NEGR1: variants seen among roughly 807,000 people sequenced by gnomAD.
The protein encoded by NEGR1 is IgLON family member 4.
In NEGR1, 10 loss-of-function variants were observed where a neutral mutation model predicts 40.9. The ratio of observed to expected loss-of-function variants is 0.24; its 90% CI spans 0.15 to 0.42. NEGR1 has a LOEUF of 0.42. Ranked by LOEUF, NEGR1 falls within the 10% of genes least tolerant of loss-of-function variation. The probability of loss-of-function intolerance (pLI) is 1.00; values close to 1 mark genes in which losing one functional copy is unlikely to be tolerated. For synonymous variants in NEGR1, 185 were observed against 166.8 expected, an observed-to-expected ratio of 1.11 and a Z score of -0.84; for missense variants, 352 against 438.9, an observed-to-expected ratio of 0.80 and a Z score of 1.77.
At chr1:71,733,990 C>T (rs1018132663) in intron 3 of NEGR1, among the ~76,000 whole-genome samples, 34 of 152,128 alleles carry the variant, frequency 2.2e-4, no homozygotes, top group African/African-American at 7.7e-4. Flanking sequence ...ATTTTACATA[C>T]TTTATTAATC....
chr1:71,915,545 C>A (rs182109839), intron 2 of NEGR1, among the ~76,000 whole-genome samples: 1 of 152,018 alleles, frequency 6.6e-6, no homozygotes, highest in Non-Finnish European at 1.5e-5. Flanking sequence ...CAGTTCTTAA[C>A]ACATTTCATT....
intron 1 of NEGR1, among the ~76,000 whole-genome samples, chr1:72,131,506 C>A (rs749239559): frequency 6.6e-6 from 1 of 152,088 alleles, no homozygotes; most frequent in Non-Finnish European, 1.5e-5. Context: ...TATTCTCAAA[C>A]AAAGCACTTG....
intron 1 of NEGR1, among the ~76,000 whole-genome samples, chr1:72,067,671 T>C (rs1166572068): frequency 6.6e-6 from 1 of 152,094 alleles, no homozygotes; most frequent in African/African-American, 2.4e-5. Flanking sequence ...CAGTGATGCA[T>C]AATAATATCA....
chr1:71,897,875 C>T (rs934664172), intron 2 of NEGR1, among the ~76,000 whole-genome samples: 3 of 152,062 alleles, frequency 2.0e-5, no homozygotes, highest in African/African-American at 7.2e-5. Context: ...TTAATCAATA[C>T]TGAATTTTAA....
chr1:72,214,816 T>C (rs1653738701), intron 1 of NEGR1, among the ~76,000 whole-genome samples: 5 of 150,598 alleles, frequency 3.3e-5, no homozygotes. Context: ...GCTATTCCCA[T>C]CAAGCTACCA....
rs564324177 is a variant in NEGR1 at position 71,927,662 on chromosome 1, C to T, written c.409+7417G>A. ...AGTTCAACAGATTAAATATTTCCTA[C>T]TGGATAAAGTACCTGGGGAATATAA... On this transcript the variant is annotated intron_variant, in intron 2 of 6. Transcript: ENST00000357731. 4.6e-5 allele frequency among the ~76,000 whole-genome samples: 7 copies of T among 151,368 alleles called. No homozygotes were observed. In the East Asian group the frequency reaches 1.2e-3, roughly 25 times the overall value.
rs186148730 is a variant in NEGR1 at position 72,188,045 on chromosome 1, A to C, written c.176+94274T>G. Among the ~76,000 whole-genome samples, 22 of 151,654 alleles carry C rather than the reference A, an allele frequency of 1.5e-4. No homozygotes were observed. The East Asian group carries it at 4.3e-3, about 29-fold the overall frequency. On this transcript the variant is annotated intron_variant, in intron 1 of 6. Coordinates refer to ENST00000357731, the MANE Select transcript of NEGR1 (RefSeq NM_173808.3). Reference sequence around the variant, plus strand: ...CCATATTCAAATCATTCTAAGGATTAGAATAGTTTTGGTTCCTTAAGCTAA... The same window carrying C: ...CCATATTCAAATCATTCTAAGGATTCGAATAGTTTTGGTTCCTTAAGCTAA...
intron 2 of NEGR1, among the ~76,000 whole-genome samples, chr1:71,909,153 C>T (rs1241890700): frequency 6.6e-6 from 1 of 152,014 alleles, no homozygotes; most frequent in East Asian, 1.9e-4. Flanking sequence ...TCTGTGGGCA[C>T]AATCCTAAAG....
chr1:71,595,902 T>C (rs1649693368), intron 5 of NEGR1, among the ~76,000 whole-genome samples: 1 of 152,206 alleles, frequency 6.6e-6, no homozygotes, highest in African/African-American at 2.4e-5. Flanking sequence ...TGATGACATG[T>C]TTTTCTTTAC....
At chr1:71,980,664 C>G (rs972337367) in intron 1 of NEGR1, among the ~76,000 whole-genome samples, 7 of 152,042 alleles carry the variant, frequency 4.6e-5, no homozygotes, top group African/African-American at 1.7e-4. Flanking sequence ...AGCCCCTTAG[C>G]CCATAACATA....
At chr1:71,422,130 C>T (rs1646398558) in intron 6 of NEGR1, among the ~76,000 whole-genome samples, 1 of 152,106 alleles carries the variant, frequency 6.6e-6, no homozygotes. Flanking sequence ...GCAGCTTTAT[C>T]CACTTCTGAA....
At chr1:71,450,403 T>C (rs1333543812) in intron 6 of NEGR1, among the ~76,000 whole-genome samples, 1 of 152,246 alleles carries the variant, frequency 6.6e-6, no homozygotes, top group East Asian at 1.9e-4. Context: ...ATTTAAATCG[T>C]AAATACTATA....
chr1:71,616,632 G>A (rs888808761), intron 4 of NEGR1, among the ~76,000 whole-genome samples: 1 of 152,216 alleles, frequency 6.6e-6, no homozygotes, highest in South Asian at 2.1e-4. Context: ...ACTGCATCTG[G>A]TGGCAGGCTT....
At chr1:71,573,799 C>T (rs200349976) in intron 6 of NEGR1, among the ~76,000 whole-genome samples, 25 of 152,220 alleles carry the variant, frequency 1.6e-4, no homozygotes, top group Admixed American at 1.4e-3. Flanking sequence ...CTTTTGAAAT[C>T]GAAGCCCAGA....
At chr1:71,846,280 A>G (rs920332383) in intron 2 of NEGR1, among the ~76,000 whole-genome samples, 25 of 152,072 alleles carry the variant, frequency 1.6e-4, no homozygotes, top group African/African-American at 5.6e-4. Flanking sequence ...CCAAGTACCT[A>G]GGAGTCCGAT....
intron 6 of NEGR1, among the ~76,000 whole-genome samples, chr1:71,442,542 T>C (rs892462632): frequency 6.6e-6 from 1 of 152,084 alleles, no homozygotes. Context: ...TGAACCTGGA[T>C]GGCGGAAATT....
intron 6 of NEGR1, among the ~76,000 whole-genome samples, chr1:71,559,019 G>GTGTGTGTA (rs377263417): frequency 6.7e-4 from 76 of 114,084 alleles, no homozygotes; most frequent in South Asian, 1.2e-3. Context: ...CTGTGTGTGT[G>GTGTGTGTA]TATATATATA....
At chr1:72,233,534 A>G (rs1451026221) in intron 1 of NEGR1, among the ~76,000 whole-genome samples, 1 of 152,046 alleles carries the variant, frequency 6.6e-6, no homozygotes, top group African/African-American at 2.4e-5. Context: ...TTATAAGTAA[A>G]AAAATGTGGT....
chr1:71,902,875 TAA>T (rs1227740377), intron 2 of NEGR1, among the ~76,000 whole-genome samples: 1 of 152,084 alleles, frequency 6.6e-6, no homozygotes, highest in Non-Finnish European at 1.5e-5. Flanking sequence ...AATCAAATTA[TAA>T]AAAGTTTTTA....
Sources: allele counts gnomAD v4.1 joint callset (sites outside exome capture counted in the v4.1 genomes callset), GRCh38; gene constraint gnomAD v4.1.1; transcripts MANE v1.5; gene names NCBI Gene and HGNC (gene_info 2026-07-23, HGNC 2026-07-21).